Variants in ELAPOR2 observed in about 807,000 individuals in gnomAD.
ELAPOR2 encodes endosome/lysosome-associated apoptosis and autophagy regulator family member 2.
A neutral mutation model predicts 120.7 loss-of-function variants in ELAPOR2; 89 were observed. The observed-to-expected ratio is 0.74, with a 90% CI of 0.62 to 0.88. The LOEUF (loss-of-function observed/expected upper bound fraction) is 0.88. Among genes scored for constraint, ELAPOR2 ranks in the 40% least tolerant of loss-of-function variants. The probability of loss-of-function intolerance (pLI) is 0.00; values close to 1 mark genes in which losing one functional copy is unlikely to be tolerated. For missense variants in ELAPOR2, 1,134 were observed against 1,251.6 expected, an observed-to-expected ratio of 0.91 and a Z score of 1.42; for synonymous variants, 444 against 444.9, an observed-to-expected ratio of 1.00 and a Z score of 0.03.
chr7:86,909,293 C>T (rs910103923), intron 16 of ELAPOR2, among the ~76,000 whole-genome samples: 54 of 152,012 alleles, frequency 3.6e-4, no homozygotes, highest in Admixed American at 3.3e-4. Flanking sequence ...TAAATTTGAT[C>T]CCTAAGAATC....
chr7:87,024,617 T>A (rs1488752332), intron 1 of ELAPOR2, among the ~76,000 whole-genome samples: 6 of 152,180 alleles, frequency 3.9e-5, no homozygotes, highest in African/African-American at 1.4e-4. Flanking sequence ...TTCTATTGAT[T>A]GGAATAGTTT....
intron 1 of ELAPOR2, among the ~76,000 whole-genome samples, chr7:87,009,438 T>C (rs577132159): frequency 6.6e-6 from 1 of 152,248 alleles, no homozygotes; most frequent in African/African-American, 2.4e-5. Flanking sequence ...AAAGAGACAG[T>C]TTGCCTTGGG....
At chr7:86,991,773 G>T (rs1170131854) in intron 1 of ELAPOR2, among the ~76,000 whole-genome samples, 1 of 152,280 alleles carries the variant, frequency 6.6e-6, no homozygotes, top group South Asian at 2.1e-4. Context: ...AGCATCCAAG[G>T]TGGCTGCTAA....
intron 16 of ELAPOR2, among the ~76,000 whole-genome samples, chr7:86,908,916 C>T (rs1036721043): frequency 2.6e-5 from 4 of 151,966 alleles, no homozygotes; most frequent in Non-Finnish European, 5.9e-5. Flanking sequence ...GGCTACTTTG[C>T]TAATACAGCT....
intron 18 of ELAPOR2, among the ~76,000 whole-genome samples, chr7:86,906,322 T>C (rs913134232): frequency 1.3e-5 from 2 of 152,140 alleles, no homozygotes; most frequent in African/African-American, 4.8e-5. Flanking sequence ...TACCACAGGA[T>C]GCCCTTTTAT....
At chr7:86,905,200 GAGA>G (rs1262127048) in intron 18 of ELAPOR2, among the ~76,000 whole-genome samples, 7 of 150,354 alleles carry the variant, frequency 4.7e-5, no homozygotes, top group African/African-American at 1.7e-4. Flanking sequence ...GAGAGAGAGA[GAGA>G]GAAAGAGAGA....
intron 1 of ELAPOR2, among the ~76,000 whole-genome samples, chr7:86,993,353 A>G (rs988830554): frequency 1.2e-4 from 18 of 152,198 alleles, no homozygotes; most frequent in Admixed American, 5.9e-4. Context: ...CAGTAATCAC[A>G]TACCACACAA....
At chr7:87,038,332 T>A (rs945585549) in intron 1 of ELAPOR2, among the ~76,000 whole-genome samples, 1 of 152,232 alleles carries the variant, frequency 6.6e-6, no homozygotes, top group Non-Finnish European at 1.5e-5. Context: ...ACTAAATAAT[T>A]GCTTTCTCTG....
At chr7:86,991,237 T>C (rs999349719) in intron 1 of ELAPOR2, among the ~76,000 whole-genome samples, 7 of 152,222 alleles carry the variant, frequency 4.6e-5, no homozygotes, top group African/African-American at 1.7e-4. Context: ...CCATATCAGG[T>C]GATTGATGTA....
intron 1 of ELAPOR2, among the ~76,000 whole-genome samples, chr7:87,058,645 T>C (rs1024585752): frequency 2.6e-5 from 4 of 152,150 alleles, no homozygotes; most frequent in Non-Finnish European, 5.9e-5. Flanking sequence ...ACCGCGGCAA[T>C]ACTTCAGCCA....
chr7:86,952,699 C>T (rs1791313595), intron 2 of ELAPOR2, among the ~76,000 whole-genome samples: 2 of 152,094 alleles, frequency 1.3e-5, no homozygotes, highest in South Asian at 2.1e-4. Flanking sequence ...AAAATAATAA[C>T]AATAGCTATC....
At chr7:86,896,290 T>TTG (rs761832447) in intron 19 of ELAPOR2, among the ~76,000 whole-genome samples, 2 of 151,912 alleles carry the variant, frequency 1.3e-5, no homozygotes, top group Admixed American at 6.6e-5. Context: ...TGTGTCTAAT[T>TTG]TGTGTGTGTG....
At chr7:86,909,211 G>A (rs532914416) in intron 16 of ELAPOR2, among the ~76,000 whole-genome samples, 2 of 151,954 alleles carry the variant, frequency 1.3e-5, no homozygotes, top group African/African-American at 4.8e-5. Flanking sequence ...TCTCAAATCT[G>A]GCCACACATC....
At chr7:86,949,623 C>T (rs1297322497) in intron 2 of ELAPOR2, among the ~76,000 whole-genome samples, 1 of 152,182 alleles carries the variant, frequency 6.6e-6, no homozygotes, top group Non-Finnish European at 1.5e-5. Flanking sequence ...AGAACCCCTT[C>T]CCCCACAGGC....
In ELAPOR2 at chr7:87,021,468, T is replaced by C. The variant is rs536779980; in HGVS notation, c.189+37857A>G. ...CACATTTAATGACTCATGATATCCA[T>C]ATCATAAGGAAACAATATATTTAAC... On this transcript the variant is annotated intron_variant, in intron 1 of 21. Coordinates refer to ENST00000450689, the MANE Select transcript of ELAPOR2 (RefSeq NM_001142749.3). Among the ~76,000 whole-genome samples, 4 of 152,292 alleles carry C rather than the reference T, an allele frequency of 2.6e-5. No homozygotes were observed. The South Asian group carries it at 6.2e-4, about 24-fold the overall frequency.
chr7:86,974,082 G>A (rs1049759030), intron 1 of ELAPOR2, among the ~76,000 whole-genome samples: 2 of 151,040 alleles, frequency 1.3e-5, no homozygotes, highest in Non-Finnish European at 2.9e-5. Flanking sequence ...AAATCACAAC[G>A]GTATATGAAA....
At position 86,879,085 on chromosome 7, in the gene ELAPOR2, A is replaced by T. The variant is rs575845093; in HGVS notation, c.*1386T>A. On this transcript the variant is annotated 3_prime_UTR_variant, in exon 22 of 22. Transcript: ENST00000450689. ...TATGCCCTGCCTCTCTCAGCCAATC[A>T]CAACTATTTTTTTAAATCTGCATTA... 2 of 152,276 alleles carry T rather than the reference A, an allele frequency of 1.3e-5. No individual in the cohort carries two copies. The highest frequency in any genetic ancestry group is 3.9e-4 in the East Asian group (2 of 5,190). The allele number at this position is 152,276 out of a possible 1,614,324, so 9.4% of individuals were successfully genotyped here. A position where few individuals can be genotyped will look rare whatever the true frequency, so the allele number is the denominator to read the frequency against.
chr7:86,890,519 G>A (rs1266890943), intron 21 of ELAPOR2, among the ~76,000 whole-genome samples: 2 of 151,928 alleles, frequency 1.3e-5, no homozygotes, highest in Non-Finnish European at 2.9e-5. Flanking sequence ...TAGCGCTGTG[G>A]GAACACAGCC....
intron 1 of ELAPOR2, among the ~76,000 whole-genome samples, chr7:87,041,997 A>G (rs1213438918): frequency 6.6e-6 from 1 of 151,590 alleles, no homozygotes; most frequent in East Asian, 1.9e-4. Context: ...ACCAACAAAG[A>G]TCAAAAGAGA....
Sources: gnomAD v4.1 joint callset for allele counts (sites outside exome capture counted in the v4.1 genomes callset) on GRCh38, gnomAD v4.1.1 for gene constraint, MANE v1.5 for transcripts, NCBI Gene and HGNC (gene_info 2026-07-23, HGNC 2026-07-21) for gene names.